ANK1: variants seen among roughly 807,000 people sequenced by gnomAD.
The protein encoded by ANK1 is ankyrin-1.
ANK1 carries 51 observed loss-of-function variants against 210.4 expected under a neutral mutation model. The observed-to-expected ratio is 0.24, with a 90% confidence interval of 0.19 to 0.31. ANK1 has a LOEUF of 0.31. Among genes scored for constraint, ANK1 ranks in the 10% least tolerant of loss-of-function variants. ANK1 has a pLI of 1.00. For missense variants in ANK1, 2,051 were observed against 2,504.4 expected, an observed-to-expected ratio of 0.82 and a Z score of 3.86; for synonymous variants, 967 against 1,025.9, an observed-to-expected ratio of 0.94 and a Z score of 1.10.
chr8:41,692,923 C>T, intron 30 of ANK1, 47 bp from the exon 31 acceptor site: 1 of 1,581,490 alleles, frequency 6.3e-7, no homozygotes. Context: ...CAACAGAGAG[C>T]ATCCTTTCCA....
Position 41,754,030 on chromosome 8 carries a change from T to C in ANK1, c.129+4006A>G, listed in dbSNP as rs149878680. Among the ~76,000 whole-genome samples the C allele has an allele frequency of 6.1e-3, 926 of 152,362 alleles. 11 individuals are homozygous for C. The highest frequency in any genetic ancestry group is 8.9e-3 in the Non-Finnish European group (606 of 68,036). Reference sequence around the variant, plus strand: ...CTGACTCTAGGGCAGTCCTCTCATATACTCTCTGCCTTCCATTCATGGTTC... The same window carrying C: ...CTGACTCTAGGGCAGTCCTCTCATACACTCTCTGCCTTCCATTCATGGTTC... On this transcript the variant is annotated intron_variant, in intron 2 of 42. Transcript: ENST00000289734.
chr8:41,828,790 T>A (rs997973871), intron 1 of ANK1: 2 of 152,300 alleles, frequency 1.3e-5, no homozygotes, highest in African/African-American at 4.8e-5. Flanking sequence ...CATTTCATTT[T>A]CCTGAAGATT....
chr8:41,677,309 A>C (rs1006295108), intron 37 of ANK1, among the ~76,000 whole-genome samples: 4 of 152,084 alleles, frequency 2.6e-5, no homozygotes, highest in African/African-American at 9.7e-5. Context: ...TTTTGGTTTC[A>C]TTAAGTTTCT....
chr8:41,670,148 A>T (rs1385949078), intron 38 of ANK1, among the ~76,000 whole-genome samples: 3 of 151,872 alleles, frequency 2.0e-5, no homozygotes, highest in Non-Finnish European at 4.4e-5. Flanking sequence ...ATGACTTCTA[A>T]TTTTATTTAC....
rs573725425 is a variant in ANK1, at chr8:41,749,006, A to G, written c.129+9030T>C. ...ACAGAGATCCTGCCACTGCCCTCCAACCTGGGCGACAGAGCAAGACTCCAT... is the reference window on the plus strand; with the variant it reads ...ACAGAGATCCTGCCACTGCCCTCCAGCCTGGGCGACAGAGCAAGACTCCAT... On this transcript the variant is annotated intron_variant, in intron 2 of 42. Transcript: ENST00000289734. Among the ~76,000 whole-genome samples the G allele has an allele frequency of 2.9e-4, 43 of 150,776 alleles. 1 individual carries two copies. The highest frequency in any genetic ancestry group is 1.5e-3 in the South Asian group (7 of 4,734).
chr8:41,828,271 C>A (rs1018554944), intron 1 of ANK1: 2 of 153,836 alleles, frequency 1.3e-5, no homozygotes, highest in Middle Eastern at 6.9e-4. Flanking sequence ...CCGCTCCGCC[C>A]GTGCTGGGCT....
intron 23 of ANK1, among the ~76,000 whole-genome samples, chr8:41,698,600 C>T (rs77998270): frequency 0.036 from 5,434 of 152,228 alleles, 172 homozygotes; most frequent in African/African-American, 0.089. Flanking sequence ...TATTAGATTG[C>T]TTTGCAAAAT....
rs750593058 is a variant in ANK1, at chr8:41,661,876, C to A, written c.5544G>T (p.Glu1848Asp). 1.9e-6 allele frequency: 3 copies of A among 1,614,144 alleles called. No individual in the cohort carries two copies. In the Admixed American group the frequency reaches 5.0e-5, roughly 27 times the overall value. The change falls in exon 41 of 43, where the codon GAG becomes GAT. Residue 1848 changes from glutamate to aspartate, a missense_variant and splice_region_variant. Coordinates refer to ENST00000289734, the MANE Select transcript of ANK1 (RefSeq NM_000037.4). ...CCTCCAGGGGCCCCTCTACAGTCAC[C>A]TCCTCGTGCTCCTGGGCGGCATCGG... ...SSADAAQEHE[E>D]VELRGSGLQP...
chr8:41,721,656 C>CAAAAAAAAAAAAAAAAAAAAA (rs55653901), intron 9 of ANK1, among the ~76,000 whole-genome samples: 1 of 108,130 alleles, frequency 9.2e-6, no homozygotes, highest in Non-Finnish European at 1.9e-5. Flanking sequence ...GACTTCATCT[C>CAAAAAAAAAAAAAAAAAAAAA]AAAAAAAAAA....
chr8:41,689,158 C>G (rs537532802), intron 33 of ANK1, among the ~76,000 whole-genome samples: 6 of 152,226 alleles, frequency 3.9e-5, no homozygotes, highest in African/African-American at 1.2e-4. Flanking sequence ...CACTCTGTCT[C>G]TGAAGCTGGA....
rs866474709 is a variant in ANK1 at position 41,688,513 on chromosome 8, G to C, written c.4181C>G (p.Pro1394Arg). ...GCATCATCACACAGAGGCCGTACCT[G>C]GTGTGGACTCACTGAGAATGCTGTA... ...LRYSILSEST[P>R]GSLSGTEQAE... Residue 1394 changes from proline to arginine, a missense_variant and splice_region_variant, in exon 34 of 43, where the codon CCA becomes CGA. Pro to Arg is a moderately radical substitution (Grantham distance 103). This residue lies in a region of ANK1 where 1,413 missense variants were observed against 1,707.4 expected (regional missense o/e 0.83). Transcript: ENST00000289734. 2 of 1,614,004 alleles carry C rather than the reference G, an allele frequency of 1.2e-6. No individual in the cohort carries two copies. Among genetic ancestry groups the C allele is most frequent in the South Asian group, 2.2e-5 (2 of 91,072 alleles).
intron 1 of ANK1, among the ~76,000 whole-genome samples, chr8:41,872,473 T>C (rs981873810): frequency 6.6e-5 from 10 of 152,186 alleles, no homozygotes; most frequent in African/African-American, 9.7e-5. Context: ...GGGGTTCGAA[T>C]CTAGCCCCAA....
intron 12 of ANK1, 126 bp downstream of exon 12, chr8:41,717,478 C>T: frequency 4.3e-6 from 4 of 920,494 alleles, no homozygotes; most frequent in Non-Finnish European, 6.9e-6. Context: ...CTCCCCCAGT[C>T]TGAAGCATTG....
At chr8:41,818,473 T>C (rs570859127) in intron 1 of ANK1, among the ~76,000 whole-genome samples, 6 of 152,374 alleles carry the variant, frequency 3.9e-5, no homozygotes, top group Admixed American at 6.5e-5. Flanking sequence ...GATTATACCA[T>C]AGGTATCAGT....
chr8:41,689,465 C>T (rs1027823225), intron 33 of ANK1, among the ~76,000 whole-genome samples: 1 of 152,146 alleles, frequency 6.6e-6, no homozygotes, highest in Non-Finnish European at 1.5e-5. Flanking sequence ...GGTTCACCCT[C>T]ATCTCATGCC....
chr8:41,802,957 GGGA>G (rs1467413957), intron 1 of ANK1, among the ~76,000 whole-genome samples: 647 of 57,584 alleles, frequency 0.011, 73 homozygotes, highest in Non-Finnish European at 0.023. Context: ...AAGGGGGGGG[GGGA>G]GAGAGAGAGA....
chr8:41,885,497 T>A (rs1050238040), intron 1 of ANK1, among the ~76,000 whole-genome samples: 1 of 152,218 alleles, frequency 6.6e-6, no homozygotes, highest in Non-Finnish European at 1.5e-5. Flanking sequence ...ACACCACGAT[T>A]TCCAGACATT....
rs1831266756 is a variant in ANK1 at position 41,728,439 on chromosome 8, G to T, written c.229-433C>A. Among the ~76,000 whole-genome samples, 3 of 152,208 alleles carry T rather than the reference G, an allele frequency of 2.0e-5. No homozygotes were observed. The South Asian group carries it at 6.2e-4, about 32-fold the overall frequency. ...AGAGGGTGGGAGGTGGGGGCAATGA[G>T]AAATTATCCTTTGGATGGGATGCCC... On this transcript the variant is annotated intron_variant, in intron 3 of 42. Coordinates refer to ENST00000289734, the MANE Select transcript of ANK1 (RefSeq NM_000037.4).
chr8:41,706,696 T>C (rs949418284), intron 17 of ANK1, among the ~76,000 whole-genome samples: 4 of 152,242 alleles, frequency 2.6e-5, no homozygotes, highest in Admixed American at 1.3e-4. Flanking sequence ...CAGAGCCCTG[T>C]AGCCTTGGTT....
Sources: gnomAD v4.1 joint callset for allele counts (sites outside exome capture counted in the v4.1 genomes callset) on GRCh38, gnomAD v4.1.1 for gene constraint, gnomAD v4.1.1 regional missense constraint, MANE v1.5 for transcripts, NCBI Gene and HGNC (gene_info 2026-07-23, HGNC 2026-07-21) for gene names.